Variants in PNLIPRP1 observed in about 807,000 individuals in gnomAD.
PNLIPRP1 encodes inactive pancreatic lipase-related protein 1.
Under a neutral mutation model 54.6 loss-of-function variants are expected in PNLIPRP1, and 57 were observed. The ratio of observed to expected loss-of-function variants is 1.04; its 90% CI spans 0.84 to 1.30. PNLIPRP1 has a LOEUF of 1.30. Ranked by LOEUF, PNLIPRP1 falls within the 50% of genes most tolerant of loss-of-function variation. The pLI, the probability that PNLIPRP1 is intolerant of heterozygous loss-of-function variation, is 0.00. For missense variants in PNLIPRP1, 567 were observed against 568.5 expected, an observed-to-expected ratio of 1.00 and a Z score of 0.03; for synonymous variants, 232 against 208.8, an observed-to-expected ratio of 1.11 and a Z score of -0.96.
intron 9 of PNLIPRP1, 53 bp from the exon 10 acceptor site, chr10:116,601,019 C>T (rs781869612): frequency 1.6e-5 from 25 of 1,531,088 alleles, no homozygotes; most frequent in Non-Finnish European, 2.0e-5. Flanking sequence ...TCAGATGTAT[C>T]GATCATACAA....
chr10:116,603,373 G>A (rs1847882602), intron 10 of PNLIPRP1, among the ~76,000 whole-genome samples: 1 of 152,176 alleles, frequency 6.6e-6, no homozygotes, highest in Non-Finnish European at 1.5e-5. Context: ...GCAATGAGGG[G>A]CATATTCTGT....
chr10:116,606,178 T>G (rs1554865559), intron 12 of PNLIPRP1, among the ~76,000 whole-genome samples: 1 of 152,152 alleles, frequency 6.6e-6, no homozygotes, highest in African/African-American at 2.4e-5. Flanking sequence ...AAGGAGATCC[T>G]GGGCTCTCAG....
chr10:116,605,783 T>A (rs1242093926), intron 12 of PNLIPRP1, among the ~76,000 whole-genome samples: 1 of 152,192 alleles, frequency 6.6e-6, no homozygotes, highest in African/African-American at 2.4e-5. Flanking sequence ...AAGATAAGGC[T>A]GCACTTTCAA....
rs782167475 is a variant in PNLIPRP1, at chr10:116,604,121, C to T, written c.1155C>T (p.His385=). The change falls in exon 11 of 13, where the codon CAC becomes CAT. Residue 385 remains histidine, a synonymous_variant. Coordinates refer to ENST00000358834, the MANE Select transcript of PNLIPRP1 (RefSeq NM_006229.4). ...VALFGNKGNT[H]QYSIFRGILK... ...TGTTTGGAAATAAGGGAAACACTCA[C>T]CAGTACAGTATCTTCAGGTAATTTC... 2.4e-5 allele frequency: 39 copies of T among 1,596,290 alleles called. 1 individual carries two copies. In the South Asian group the frequency reaches 4.3e-4, roughly 18 times the overall value.
At chr10:116,602,046 C>T (rs1478000580) in intron 10 of PNLIPRP1, among the ~76,000 whole-genome samples, 3 of 144,434 alleles carry the variant, frequency 2.1e-5, no homozygotes, top group African/African-American at 5.2e-5. Flanking sequence ...GACGGAGTCT[C>T]GCTGTGTCGC....
chr10:116,604,792 A>C (rs927847555), intron 11 of PNLIPRP1, among the ~76,000 whole-genome samples: 2 of 150,268 alleles, frequency 1.3e-5, no homozygotes, highest in Admixed American at 1.3e-4. Context: ...GGGTTCAAGA[A>C]ATTCTCGTGC....
At chr10:116,601,254 T>A (rs1218211950) in intron 10 of PNLIPRP1, 53 bp downstream of exon 10, 1 of 1,525,354 alleles carries the variant, frequency 6.6e-7, no homozygotes, top group East Asian at 2.3e-5. Context: ...TAGTTTCTGT[T>A]ACAAATGAGG....
In PNLIPRP1 at chr10:116,597,927, C is replaced by A. The variant is rs782693519; in HGVS notation, c.674C>A (p.Ala225Asp). 3 of 1,614,080 alleles carry A rather than the reference C, an allele frequency of 1.9e-6. No individual in the cohort carries two copies. The highest frequency in any genetic ancestry group is 2.5e-6 in the Non-Finnish European group (3 of 1,180,032). Residue 225 changes from alanine (A) to aspartate (D), a missense_variant, in exon 7 of 13, where the codon GCT (alanine) becomes GAT (aspartate). Transcript: ENST00000358834. ...GTTGATGTGATTCACACGGATGCAG[C>A]TCCCCTGATCCCATTCTTGGGTGAG... ...DFVDVIHTDA[A>D]PLIPFLGFGT...
intron 2 of PNLIPRP1, 60 bp downstream of exon 2, chr10:116,591,238 C>A: frequency 1.4e-6 from 2 of 1,392,314 alleles, no homozygotes; most frequent in Non-Finnish European, 2.0e-6. Flanking sequence ...CAGCCCTGGC[C>A]AGAGAAAGCT....
intron 12 of PNLIPRP1, 140 bp from the exon 13 acceptor site, chr10:116,608,913 C>T: frequency 1.4e-6 from 1 of 721,680 alleles, no homozygotes; most frequent in Non-Finnish European, 2.5e-6. Context: ...CCTCGTGCCT[C>T]CTGAATCACT....
Position 116,601,079 on chromosome 10 carries a change from G to T in PNLIPRP1, c.941G>T (p.Cys314Phe). The change falls in exon 10 of 13, where the codon TGC (cysteine) becomes TTC (phenylalanine). Residue 314 changes from cysteine to phenylalanine, a missense_variant. Cys to Phe is a radical substitution (Grantham distance 205). Transcript: ENST00000358834. ...TCTATCTCTTCTCATTAGGACAAGT[G>T]CTTCCCGTGTCCAGATCAAGGATGC... ...TSYKSFESDK[C>F]FPCPDQGCPQ... The T allele has an allele frequency of 6.2e-7, 1 of 1,611,668 alleles. No individual in the cohort carries two copies. The highest frequency in any genetic ancestry group is 1.1e-5 in the South Asian group (1 of 90,342).
chr10:116,593,170 A>T (rs1280767349), intron 4 of PNLIPRP1: 15 of 152,288 alleles, frequency 9.8e-5, no homozygotes, highest in African/African-American at 3.6e-4. Context: ...TCCATCTCAA[A>T]AAAAAAAAAA....
intron 8 of PNLIPRP1, among the ~76,000 whole-genome samples, chr10:116,599,574 C>T (rs1028821941): frequency 3.6e-4 from 55 of 152,168 alleles, no homozygotes; most frequent in Non-Finnish European, 1.0e-4. Flanking sequence ...GAAATGTCCT[C>T]GCATTGGCTT....
At position 116,591,197 on chromosome 10, in the gene PNLIPRP1, GC is replaced by G. The variant is rs782513790; in HGVS notation, c.49+23del. ...GCCAAAGGTAAGAAACACCACTCCT[GC>G]CCCGTAGGAAGGGCTTAAACTTAAG... On this transcript the variant is annotated intron_variant, in intron 2 of 12. Transcript: ENST00000358834. 3.7e-6 allele frequency: 6 copies of G among 1,604,942 alleles called. No homozygotes were observed. The South Asian group carries it at 6.6e-5, about 18-fold the overall frequency.
rs782402071 is a variant in PNLIPRP1 at position 116,600,109 on chromosome 10, C to T, written c.877C>T (p.Leu293Phe). Residue 293 changes from leucine to phenylalanine, a missense_variant, in exon 9 of 13, where the codon CTC becomes TTC. Transcript: ENST00000358834. ...CTACAAGTATTACTTGGAAAGCATC[C>T]TCAATCCCGATGGGTTTGCTGCATA... ...RSYKYYLESILNPDGFAAYPC... is the reference protein window; with the variant it reads ...RSYKYYLESIFNPDGFAAYPC... 3 of 1,613,894 alleles carry T rather than the reference C, an allele frequency of 1.9e-6. No homozygotes were observed. Among genetic ancestry groups the T allele is most frequent in the Non-Finnish European group, 2.5e-6 (3 of 1,179,942 alleles).
Position 116,601,127 on chromosome 10 carries a change from A to T in PNLIPRP1, c.989A>T (p.Asp330Val). The change falls in exon 10 of 13, where the codon GAT becomes GTT. Residue 330 changes from aspartate to valine, a missense_variant. Coordinates refer to ENST00000358834, the MANE Select transcript of PNLIPRP1 (RefSeq NM_006229.4). ...TGCCCACAGATGGGTCACTATGCTG[A>T]TAAATTTGCTGGCAGGACAAGTGAA... ...QGCPQMGHYA[D>V]KFAGRTSEEQ... The T allele has an allele frequency of 6.2e-7, 1 of 1,614,112 alleles. No individual in the cohort carries two copies. The highest frequency in any genetic ancestry group is 1.3e-5 in the African/African-American group (1 of 75,044).
intron 8 of PNLIPRP1, among the ~76,000 whole-genome samples, chr10:116,598,585 T>C (rs1847777094): frequency 6.6e-6 from 1 of 152,222 alleles, no homozygotes; most frequent in South Asian, 2.1e-4. Flanking sequence ...TTTCAGTAGC[T>C]AGAATGAGAA....
intron 5 of PNLIPRP1, 158 bp downstream of exon 5, chr10:116,595,022 C>G (rs1847711197): frequency 5.0e-6 from 4 of 801,746 alleles, no homozygotes; most frequent in Non-Finnish European, 7.6e-6. Context: ...AATGACACGC[C>G]AGTGGAAGCA....
chr10:116,599,903 T>G (rs1417229142), intron 8 of PNLIPRP1, 144 bp from the exon 9 acceptor site: 2 of 681,810 alleles, frequency 2.9e-6, no homozygotes, highest in East Asian at 5.0e-5. Flanking sequence ...ATGTTAATTG[T>G]CATTATGGTG....
Sources: allele counts gnomAD v4.1 joint callset (sites outside exome capture counted in the v4.1 genomes callset), GRCh38; gene constraint gnomAD v4.1.1; transcripts MANE v1.5; gene names NCBI Gene and HGNC (gene_info 2026-07-23, HGNC 2026-07-21).